MPHOSPH8: variants seen among roughly 807,000 people sequenced by gnomAD.
MPHOSPH8 encodes M-phase phosphoprotein 8.
A neutral mutation model predicts 87.3 loss-of-function variants in MPHOSPH8; 45 were observed. The observed-to-expected ratio is 0.52, with a 90% CI of 0.41 to 0.66. The LOEUF is 0.66. MPHOSPH8 is among the 30% of genes least tolerant of loss of function. The pLI, the probability that MPHOSPH8 is intolerant of heterozygous loss-of-function variation, is 0.00. For missense variants in MPHOSPH8, 883 were observed against 1,020.2 expected, an observed-to-expected ratio of 0.87 and a Z score of 1.83; for synonymous variants, 366 against 376.9, an observed-to-expected ratio of 0.97 and a Z score of 0.33.
chr13:19,648,210 G>T (rs1000793453), intron 3 of MPHOSPH8, among the ~76,000 whole-genome samples: 6 of 151,532 alleles, frequency 4.0e-5, no homozygotes, highest in Admixed American at 2.6e-4. Context: ...AACTGATGTT[G>T]GGTTTGGAAT....
chr13:19,642,114 G>A lies in MPHOSPH8; in HGVS notation c.214-1G>A. On this transcript the variant is annotated splice_acceptor_variant, in intron 1 of 13. Coordinates refer to ENST00000361479, the MANE Select transcript of MPHOSPH8 (RefSeq NM_017520.4). LOFTEE classifies it high-confidence loss of function. Reference sequence around the variant, plus strand: ...TTGCCTCCTTTTATTTTCTATAACAGGGTAAAGTTCTTTACAAAGTTCGCT... The same window carrying A: ...TTGCCTCCTTTTATTTTCTATAACAAGGTAAAGTTCTTTACAAAGTTCGCT... 6.6e-7 allele frequency: 1 copy of A among 1,510,690 alleles called. No individual in the cohort carries two copies. The highest frequency in any genetic ancestry group is 8.8e-7 in the Non-Finnish European group (1 of 1,133,300). 93.6% of individuals were successfully genotyped at this position (1,510,690 alleles called of 1,614,324 possible).
At chr13:19,653,537 G>A (rs1242643278) in intron 5 of MPHOSPH8, among the ~76,000 whole-genome samples, 1 of 152,144 alleles carries the variant, frequency 6.6e-6, no homozygotes, top group Non-Finnish European at 1.5e-5. Context: ...CTCGCCAAGG[G>A]AACAAAACTG....
At chr13:19,651,538 A>AG (rs1433250215) in intron 5 of MPHOSPH8, among the ~76,000 whole-genome samples, 3 of 152,018 alleles carry the variant, frequency 2.0e-5, no homozygotes, top group Non-Finnish European at 4.4e-5. Flanking sequence ...AAAAAAAAAA[A>AG]AAAGAAAACT....
At chr13:19,670,424 CTT>C in intron 12 of MPHOSPH8, 61 bp downstream of exon 12, 1 of 1,535,408 alleles carries the variant, frequency 6.5e-7, no homozygotes, top group Non-Finnish European at 8.9e-7. Context: ...GCACAGATGA[CTT>C]AATTTTAAAT....
In MPHOSPH8 at chr13:19,659,190, T is replaced by C. The variant is rs1032035634; in HGVS notation, c.1703-11T>C. The C allele has an allele frequency of 3.1e-6, 5 of 1,609,040 alleles. No individual in the cohort carries two copies. The African/African-American group carries it at 4.0e-5, about 13-fold the overall frequency. On this transcript the variant is annotated splice_polypyrimidine_tract_variant and intron_variant, in intron 6 of 13. Coordinates refer to ENST00000361479, the MANE Select transcript of MPHOSPH8 (RefSeq NM_017520.4). ...TTTATAAAATCTAACTTATTTTTTCTTTCATTTTAGATGTGTTAAGGGATG... is the reference window on the plus strand; with the variant it reads ...TTTATAAAATCTAACTTATTTTTTCCTTCATTTTAGATGTGTTAAGGGATG...
rs1474033505 is a variant in MPHOSPH8, at chr13:19,642,245, C to T, written c.344C>T (p.Ala115Val). ...EFRKKIAENKAKAVRKDIQRL... is the reference protein window; with the variant it reads ...EFRKKIAENKVKAVRKDIQRL... ...AGGAAGAAAATTGCAGAGAACAAAG[C>T]CAAAGCAGTCAGGAAGGATATTCAG... Residue 115 changes from alanine to valine, a missense_variant, in exon 2 of 14, where the codon GCC becomes GTC. Physicochemically the swap from Ala to Val is moderately conservative, Grantham distance 64. Around this residue, in one of 3 missense-constraint regions of MPHOSPH8, gnomAD observed 39 missense variants for 82.4 expected, o/e 0.47. Coordinates refer to ENST00000361479, the MANE Select transcript of MPHOSPH8 (RefSeq NM_017520.4). 1.9e-6 allele frequency: 3 copies of T among 1,604,494 alleles called. No homozygotes were observed. Among genetic ancestry groups the T allele is most frequent in the African/African-American group, 1.3e-5 (1 of 74,274 alleles).
chr13:19,661,774 A>C lies in MPHOSPH8; in HGVS notation c.1868A>C (p.Lys623Thr). 1 of 1,613,392 alleles carries C rather than the reference A, an allele frequency of 6.2e-7. No homozygotes were observed. The highest frequency in any genetic ancestry group is 8.5e-7 in the Non-Finnish European group (1 of 1,179,668). ...GACCTCCTGCGACTCCTCATCACAA[A>C]AGGCGCGAAAGTGAACGGTCGGCAG... is the stretch of plus-strand genomic sequence containing the variant. ...QDDLLRLLIT[K>T]GAKVNGRQKN... Residue 623 changes from lysine (K) to threonine (T), a missense_variant, in exon 8 of 14, where the codon AAA becomes ACA. This residue lies in a region of MPHOSPH8 where 741 missense variants were observed against 841.5 expected (regional missense o/e 0.88). Transcript: ENST00000361479.
At chr13:19,647,829 T>C (rs1326710941) in intron 3 of MPHOSPH8, among the ~76,000 whole-genome samples, 1 of 152,170 alleles carries the variant, frequency 6.6e-6, no homozygotes, top group Non-Finnish European at 1.5e-5. Context: ...AAAAACATCA[T>C]TTTTTTCATC....
intron 5 of MPHOSPH8, among the ~76,000 whole-genome samples, chr13:19,656,437 A>T (rs1875178968): frequency 6.6e-6 from 1 of 152,000 alleles, no homozygotes; most frequent in East Asian, 1.9e-4. Context: ...ATACATTTCT[A>T]CATAAATAAT....
chr13:19,635,080 T>G (rs1416644912), intron 1 of MPHOSPH8, among the ~76,000 whole-genome samples: 1 of 152,248 alleles, frequency 6.6e-6, no homozygotes, highest in East Asian at 1.9e-4. Context: ...ATTAATATTG[T>G]TATTTGCAAT....
chr13:19,650,171 C>T lies in MPHOSPH8; in HGVS notation c.1487C>T (p.Thr496Ile). 1.2e-6 allele frequency: 2 copies of T among 1,614,060 alleles called. No individual in the cohort carries two copies. Among genetic ancestry groups the T allele is most frequent in the South Asian group, 1.1e-5 (1 of 91,080 alleles). The change falls in exon 5 of 14, where the codon ACC (threonine) becomes ATC (isoleucine). Residue 496 changes from threonine (T) to isoleucine (I), a missense_variant. Physicochemically the swap from Thr to Ile is moderately conservative, Grantham distance 89. Coordinates refer to ENST00000361479, the MANE Select transcript of MPHOSPH8 (RefSeq NM_017520.4). ...NKQSLKERRN[T>I]RDETDTWAYI... is the part of the protein sequence containing the mutation. ...CAGTCACTTAAAGAAAGGAGAAACA[C>T]CAGAGACGAAACGGATACTTGGGCA...
chr13:19,670,485 G>A (rs1413002052), intron 12 of MPHOSPH8, 122 bp downstream of exon 12: 1 of 1,190,722 alleles, frequency 8.4e-7, no homozygotes, highest in Non-Finnish European at 1.2e-6. Context: ...TCCAGTAATA[G>A]TGGTTGGGAA....
chr13:19,650,513 C>G lies in MPHOSPH8; in HGVS notation c.1576+253C>G, dbSNP rs896693913. 4.5e-5 allele frequency: 15 copies of G among 336,912 alleles called. No homozygotes were observed. In the South Asian group the frequency reaches 8.0e-4, roughly 18 times the overall value. The allele number at this position is 336,912 out of a possible 1,614,324, so 20.9% of individuals were successfully genotyped here. ...AATTAAAAGATTTCTGATTTTCTACCTTACCTACTCTTACCTGGCAGCCCC... is the reference window on the plus strand; with the variant it reads ...AATTAAAAGATTTCTGATTTTCTACGTTACCTACTCTTACCTGGCAGCCCC... On this transcript the variant is annotated intron_variant, in intron 5 of 13. Coordinates refer to ENST00000361479, the MANE Select transcript of MPHOSPH8 (RefSeq NM_017520.4).
At position 19,672,113 on chromosome 13, in the gene MPHOSPH8, CAT is replaced by C. The variant is rs2137549825; in HGVS notation, c.*241_*242del. 2.1e-6 allele frequency: 1 copy of C among 478,772 alleles called. No homozygotes were observed. The highest frequency in any genetic ancestry group is 3.7e-6 in the Non-Finnish European group (1 of 269,458). The allele number at this position is 478,772 out of a possible 1,614,324, so 29.7% of individuals were successfully genotyped here. ...CAGTTTTTCCACAATGTGGATAGTA[CAT>C]ATGAGGATTATTTAAGAAAATTAAA... On this transcript the variant is annotated 3_prime_UTR_variant, in exon 14 of 14. Coordinates refer to ENST00000361479, the MANE Select transcript of MPHOSPH8 (RefSeq NM_017520.4).
chr13:19,659,955 ATTTT>A (rs34817892), intron 7 of MPHOSPH8, among the ~76,000 whole-genome samples: 3 of 59,130 alleles, frequency 5.1e-5, no homozygotes, highest in Middle Eastern at 0.011. Flanking sequence ...ATATGTATGG[ATTTT>A]TTTTTTTTTT....
Position 19,673,094 on chromosome 13 carries a change from T to A in MPHOSPH8, c.*1219T>A. On this transcript the variant is annotated 3_prime_UTR_variant, in exon 14 of 14. Coordinates refer to ENST00000361479, the MANE Select transcript of MPHOSPH8 (RefSeq NM_017520.4). Reference sequence around the variant, plus strand: ...GTTTCTTGGAACCTATACGGTTTTTTTTTGTTTTTTTTTTTTGAAAAGCCA... The same window carrying A: ...GTTTCTTGGAACCTATACGGTTTTTATTTGTTTTTTTTTTTTGAAAAGCCA... 5.6e-6 allele frequency: 2 copies of A among 357,024 alleles called. No individual in the cohort carries two copies. Among genetic ancestry groups the A allele is most frequent in the South Asian group, 3.3e-5 (2 of 60,052 alleles). 22.1% of individuals were successfully genotyped at this position (357,024 alleles called of 1,614,324 possible).
intron 7 of MPHOSPH8, chr13:19,660,905 T>C: frequency 1.0e-6 from 1 of 984,804 alleles, no homozygotes; most frequent in Non-Finnish European, 1.2e-6. Context: ...TCACTGTTCA[T>C]TTTGTATGGT....
At position 19,647,126 on chromosome 13, in the gene MPHOSPH8, C is replaced by G. The variant is rs779644631; in HGVS notation, c.1053C>G (p.Asn351Lys). The G allele has an allele frequency of 2.5e-6, 4 of 1,613,854 alleles. No homozygotes were observed. The highest frequency in any genetic ancestry group is 1.7e-4 in the Middle Eastern group (1 of 6,060). The change falls in exon 3 of 14, where the codon AAC becomes AAG. Residue 351 changes from asparagine to lysine, a missense_variant. Physicochemically the swap from Asn to Lys is moderately conservative, Grantham distance 94 (BLOSUM62 0). Coordinates refer to ENST00000361479, the MANE Select transcript of MPHOSPH8 (RefSeq NM_017520.4). ...AGAACAGGAAGCTAGAGAACAAGAA[C>G]GCTTTCTTAGAGAAGAAAACTGTGC... ...TRENRKLENK[N>K]AFLEKKTVPK...
At chr13:19,648,019 A>G (rs1268843368) in intron 3 of MPHOSPH8, among the ~76,000 whole-genome samples, 2 of 152,198 alleles carry the variant, frequency 1.3e-5, no homozygotes, top group African/African-American at 4.8e-5. Flanking sequence ...ATGTAAAAAT[A>G]TGTGTGTAAT....
Sources: gnomAD v4.1 joint callset for allele counts (sites outside exome capture counted in the v4.1 genomes callset) on GRCh38, gnomAD v4.1.1 for gene constraint, gnomAD v4.1.1 regional missense constraint, MANE v1.5 for transcripts, NCBI Gene and HGNC (gene_info 2026-07-23, HGNC 2026-07-21) for gene names.